Variants in IL5 observed in about 807,000 individuals in gnomAD.
IL5 encodes interleukin-5.
Under a neutral mutation model 16.3 loss-of-function variants are expected in IL5, and 12 were observed. The ratio of observed to expected loss-of-function variants is 0.74; its 90% confidence interval spans 0.47 to 1.20. The LOEUF is 1.20. IL5 is among the 50% of genes most tolerant of loss of function. The pLI is 0.00. For missense variants in IL5, 159 were observed against 153.9 expected (o/e 1.03, Z -0.17); for synonymous variants, 54 against 56.6 (o/e 0.95, Z 0.21).
chr5:132,545,558 C>A, upstream of IL5, among the ~76,000 whole-genome samples: 1 of 152,068 alleles, frequency 6.6e-6, no homozygotes, highest in East Asian at 1.9e-4. Context: ...TAAGCCCAGG[C>A]AGTGGATCCC....
At chr5:132,542,537 A>AT (rs777925460) in intron 2 of IL5, among the ~76,000 whole-genome samples, 14 of 152,214 alleles carry the variant, frequency 9.2e-5, no homozygotes, top group Non-Finnish European at 1.5e-4. Context: ...ACTCATATCA[A>AT]TGTGTTTCTA....
chr5:132,544,505 A>G (rs1001285778), upstream of IL5, among the ~76,000 whole-genome samples: 1 of 152,174 alleles, frequency 6.6e-6, no homozygotes, highest in Non-Finnish European at 1.5e-5. Context: ...CAATACATGG[A>G]TGTGTCCTCT....
chr5:132,541,481 T>C lies in IL5; in HGVS notation c.*330A>G. The stretch of plus-strand genomic sequence containing the variant: ...ATTTTTGTTTTATTAGAACACAACA[T>C]AACATTAAATAAATACTAATTTACC... On this transcript the variant is annotated 3_prime_UTR_variant, in exon 4 of 4. Transcript: ENST00000231454. The C allele has an allele frequency of 4.1e-6, 1 of 245,246 alleles. No homozygotes were observed. Among genetic ancestry groups the C allele is most frequent in the Non-Finnish European group, 7.8e-6 (1 of 127,460 alleles). 15.2% of individuals were successfully genotyped at this position (245,246 alleles called of 1,614,324 possible). A position where few individuals can be genotyped will look rare whatever the true frequency, so the allele number is the denominator to read the frequency against.
intron 1 of IL5, 100 bp downstream of exon 1, chr5:132,543,235 A>G (rs1749727985): frequency 7.1e-7 from 1 of 1,415,182 alleles, no homozygotes; most frequent in African/African-American, 1.4e-5. Flanking sequence ...ATGTGCTCAG[A>G]ATCTTATTAT....
intron 1 of IL5, among the ~76,000 whole-genome samples, chr5:132,550,121 ACCATAGTTT>A (rs1749860731): frequency 6.6e-6 from 1 of 152,150 alleles, no homozygotes; most frequent in African/African-American, 2.4e-5. Flanking sequence ...AAACTGATGT[ACCATAGTTT>A]CCATCACCAT....
At chr5:132,549,263 C>A (rs1427175278) in intron 1 of IL5, among the ~76,000 whole-genome samples, 1 of 152,166 alleles carries the variant, frequency 6.6e-6, no homozygotes, top group East Asian at 1.9e-4. Context: ...ACCATCTTGG[C>A]CAGGCTGGTC....
At chr5:132,545,678 G>A (rs1310479279), upstream of IL5, among the ~76,000 whole-genome samples, 1 of 152,180 alleles carries the variant, frequency 6.6e-6, no homozygotes, top group Admixed American at 6.5e-5. Flanking sequence ...AAAGGTGGCA[G>A]GTGCTGCTCA....
chr5:132,542,243 A>T, intron 2 of IL5, 100 bp from the exon 3 acceptor site: 1 of 617,274 alleles, frequency 1.6e-6, no homozygotes, highest in Non-Finnish European at 2.7e-6. Context: ...AAAACATCAT[A>T]TTGTACACAA....
At position 132,541,674 on chromosome 5, in the gene IL5, T is replaced by C. The variant is rs992130662; in HGVS notation, c.*137A>G. 1 of 547,152 alleles carries C rather than the reference T, an allele frequency of 1.8e-6. No individual in the cohort carries two copies. Among genetic ancestry groups the C allele is most frequent in the African/African-American group, 1.9e-5 (1 of 51,894 alleles). The allele number at this position is 547,152 out of a possible 1,614,324, so 33.9% of individuals were successfully genotyped here. On this transcript the variant is annotated 3_prime_UTR_variant, in exon 4 of 4. Coordinates refer to ENST00000231454, the MANE Select transcript of IL5 (RefSeq NM_000879.3). The stretch of plus-strand genomic sequence containing the variant: ...TATGCTTTCTGGCAAAGTGTCAGTA[T>C]GCCTGAAATATTTACTTTCCCTCTG...
At chr5:132,543,168 G>A (rs760447335) in intron 1 of IL5, 42 bp from the exon 2 acceptor site, 8 of 1,573,442 alleles carry the variant, frequency 5.1e-6, no homozygotes, top group Non-Finnish European at 8.7e-7. Flanking sequence ...CAGCACACCA[G>A]CATTCATAAC....
chr5:132,553,168 A>G (rs1172564082), intron 1 of IL5, among the ~76,000 whole-genome samples: 2 of 152,180 alleles, frequency 1.3e-5, no homozygotes, highest in Non-Finnish European at 2.9e-5. Context: ...GTCTTTTAAA[A>G]TCTACAATAG....
intron 1 of IL5, among the ~76,000 whole-genome samples, chr5:132,550,976 T>C (rs533561497): frequency 4.6e-5 from 7 of 152,344 alleles, no homozygotes; most frequent in African/African-American, 1.4e-4. Context: ...TTCTGGCACA[T>C]TTTACAGTCC....
chr5:132,553,062 C>CT (rs1210058925), intron 1 of IL5, among the ~76,000 whole-genome samples: 1 of 152,200 alleles, frequency 6.6e-6, no homozygotes, highest in Non-Finnish European at 1.5e-5. Context: ...CTTCACACAT[C>CT]TATGGCAAAA....
Position 132,554,603 on chromosome 5 carries a change from A to C in IL5, c.42+2071T>G, listed in dbSNP as rs1049312667. ...TTATGCACTATTGGTGGGAATGTCA[A>C]ATGGTACAACCACTGTGGAAAACAG... On this transcript the variant is annotated intron_variant, in intron 1 of 2. Transcript: ENST00000450655. 3.3e-5 allele frequency among the ~76,000 whole-genome samples: 5 copies of C among 152,332 alleles called. No individual in the cohort carries two copies. The East Asian group carries it at 9.6e-4, about 29-fold the overall frequency.
upstream of IL5, among the ~76,000 whole-genome samples, chr5:132,545,904 A>C (rs1026909438): frequency 6.6e-6 from 1 of 152,102 alleles, no homozygotes; most frequent in African/African-American, 2.4e-5. Context: ...TGCGCAAGAG[A>C]GTGAGACTGT....
At chr5:132,545,896 C>T (rs968942840), upstream of IL5, among the ~76,000 whole-genome samples, 4 of 151,858 alleles carry the variant, frequency 2.6e-5, no homozygotes, top group African/African-American at 4.8e-5. Context: ...CTCCAGCCTG[C>T]GCAAGAGAGT....
Position 132,542,475 on chromosome 5 carries a change from A to G in IL5, c.178-332T>C, listed in dbSNP as rs901384703. Reference sequence around the variant, plus strand: ...AGGAGTTTTATAAAGGATATAACTTAATTATGTAACTGGAAAAAAATGTTT... The same window carrying G: ...AGGAGTTTTATAAAGGATATAACTTGATTATGTAACTGGAAAAAAATGTTT... On this transcript the variant is annotated intron_variant, in intron 2 of 3. Coordinates refer to ENST00000231454, the MANE Select transcript of IL5 (RefSeq NM_000879.3). Among the ~76,000 whole-genome samples the G allele has an allele frequency of 1.3e-5, 2 of 152,292 alleles. 1 individual carries two copies. Among genetic ancestry groups the G allele is most frequent in the Middle Eastern group, 6.8e-3 (2 of 294 alleles).
At position 132,543,455 on chromosome 5, in the gene IL5, AC is replaced by A; in HGVS notation, c.23del (p.Ser8IlefsTer3). The A allele has an allele frequency of 6.2e-7, 1 of 1,614,054 alleles. No homozygotes were observed. Among genetic ancestry groups the A allele is most frequent in the South Asian group, 1.1e-5 (1 of 91,062 alleles). ...CGTAGGCAGCTCCAAGAGCTAGCAA[AC>A]TCAAATGCAGAAGCATCCTCATGGC... The part of the protein sequence containing the change: MRMLLHL[S>X]LLALGAAYVY... On this transcript the variant is annotated frameshift_variant, in exon 1 of 4. Coordinates refer to ENST00000231454, the MANE Select transcript of IL5 (RefSeq NM_000879.3). LOFTEE classifies it high-confidence loss of function.
chr5:132,541,913 T>TG lies in IL5; in HGVS notation c.307-5dup. 1.2e-6 allele frequency: 2 copies of TG among 1,612,502 alleles called. No homozygotes were observed. Among genetic ancestry groups the TG allele is most frequent in the South Asian group, 2.2e-5 (2 of 90,882 alleles). Reference sequence around the variant, plus strand: ...GTCTTTCTTCTCCACACTTTTTCTGTGAAAAAAGAAAAATGACAATAGGTA... The same window carrying TG: ...GTCTTTCTTCTCCACACTTTTTCTGTGGAAAAAAGAAAAATGACAATAGGTA... On this transcript the variant is annotated splice_polypyrimidine_tract_variant and splice_region_variant and intron_variant, in intron 3 of 3. Transcript: ENST00000231454.
Sources: gnomAD v4.1 joint callset for allele counts (sites outside exome capture counted in the v4.1 genomes callset) on GRCh38, gnomAD v4.1.1 for gene constraint, MANE v1.5 for transcripts, NCBI Gene and HGNC (gene_info 2026-07-23, HGNC 2026-07-21) for gene names.